The following BEND7 variants were observed in gnomAD, a reference collection of about 807,000 sequenced individuals.
BEND7 encodes the protein BEN domain containing 7, also known as BEN domain-containing protein 7.
In BEND7, 28 loss-of-function variants were observed where a neutral mutation model predicts 50.9. The ratio of observed to expected loss-of-function variants is 0.55; its 90% CI spans 0.41 to 0.75. BEND7 has a LOEUF of 0.75. Ranked by LOEUF, BEND7 falls within the 30% of genes least tolerant of loss-of-function variation. BEND7 has a pLI of 0.00. For synonymous variants in BEND7, 170 were observed against 183.9 expected (o/e 0.92, Z 0.61); for missense variants, 477 against 491.3 (o/e 0.97, Z 0.28).
At chr10:13,495,147 A>T (rs2076939828) in intron 4 of BEND7, among the ~76,000 whole-genome samples, 1 of 152,230 alleles carries the variant, frequency 6.6e-6, no homozygotes. Flanking sequence ...AATCATTACA[A>T]TTTCATATGC....
chr10:13,505,133 T>A (rs1327542154), intron 2 of BEND7, among the ~76,000 whole-genome samples: 2 of 151,146 alleles, frequency 1.3e-5, no homozygotes, highest in Non-Finnish European at 2.9e-5. Context: ...TAAGTGGGAG[T>A]TTTTCATTCC....
intron 7 of BEND7, among the ~76,000 whole-genome samples, chr10:13,447,657 C>T (rs1327509840): frequency 2.0e-5 from 3 of 151,258 alleles, no homozygotes; most frequent in Non-Finnish European, 2.9e-5. Context: ...CATTCTCCTG[C>T]CTCAGCCTCC....
intron 2 of BEND7, among the ~76,000 whole-genome samples, chr10:13,525,407 G>C (rs2079386540): frequency 6.6e-6 from 1 of 152,190 alleles, no homozygotes; most frequent in Admixed American, 6.5e-5. Context: ...ACACTTGCTG[G>C]AAAGTCTCAG....
intron 2 of BEND7, among the ~76,000 whole-genome samples, chr10:13,507,138 T>C (rs181983175): frequency 3.9e-5 from 6 of 152,302 alleles, no homozygotes; most frequent in African/African-American, 1.2e-4. Flanking sequence ...AGAGAGATAT[T>C]AGATCTTCTA....
chr10:13,528,565 AGGCGGCGGCAGCGGC>A lies in BEND7; in HGVS notation c.-47_-33del. The A allele has an allele frequency of 1.1e-6, 1 of 943,446 alleles. No individual in the cohort carries two copies. Among genetic ancestry groups the A allele is most frequent in the Non-Finnish European group, 1.2e-6 (1 of 810,516 alleles). The allele number at this position is 943,446 out of a possible 1,614,324, so 58.4% of individuals were successfully genotyped here. On this transcript the variant is annotated 5_prime_UTR_variant, in exon 1 of 9. Transcript: ENST00000466271. ...GGGAAGGCGGCGGCGGGGGCTGAGG[AGGCGGCGGCAGCGGC>A]GGCAGCGGCAGCGGCGGCAGCGGCA... is the stretch of plus-strand genomic sequence containing the variant.
intron 2 of BEND7, among the ~76,000 whole-genome samples, chr10:13,511,911 G>C (rs1487654997): frequency 6.6e-6 from 1 of 152,198 alleles, no homozygotes; most frequent in Non-Finnish European, 1.5e-5. Flanking sequence ...CAAGGAACTA[G>C]CTGAATGGCA....
chr10:13,505,492 G>A (rs2077809749), intron 2 of BEND7, among the ~76,000 whole-genome samples: 1 of 152,242 alleles, frequency 6.6e-6, no homozygotes, highest in Admixed American at 6.5e-5. Context: ...ACATGGGGCA[G>A]ACACCCGCTC....
intron 5 of BEND7, among the ~76,000 whole-genome samples, chr10:13,490,867 A>C (rs2076606033): frequency 6.6e-6 from 1 of 151,912 alleles, no homozygotes; most frequent in Admixed American, 6.6e-5. Flanking sequence ...GCAGTGGTGT[A>C]ATCTCGGCTC....
intron 2 of BEND7, among the ~76,000 whole-genome samples, chr10:13,502,685 G>C (rs980572284): frequency 1.3e-5 from 2 of 152,104 alleles, no homozygotes; most frequent in African/African-American, 4.8e-5. Context: ...CAAGCAAGAG[G>C]AGGCATCTTT....
intron 2 of BEND7, among the ~76,000 whole-genome samples, chr10:13,525,894 C>A (rs947528175): frequency 6.6e-6 from 1 of 152,200 alleles, no homozygotes; most frequent in African/African-American, 2.4e-5. Context: ...CAGCATCTGG[C>A]TCTGTGAGTG....
downstream of BEND7, among the ~76,000 whole-genome samples, chr10:13,440,287 A>T (rs1406052259): frequency 2.0e-5 from 3 of 152,220 alleles, no homozygotes; most frequent in African/African-American, 7.2e-5. Context: ...GGTCCCTGAC[A>T]CAAGGGACCC....
At chr10:13,494,214 C>T (rs530397134) in intron 4 of BEND7, among the ~76,000 whole-genome samples, 107 of 152,140 alleles carry the variant, frequency 7.0e-4, no homozygotes, top group African/African-American at 2.4e-3. Flanking sequence ...GTCAAGAGAT[C>T]GAGACCATCC....
intron 5 of BEND7, among the ~76,000 whole-genome samples, chr10:13,483,534 A>G (rs1371924583): frequency 1.3e-5 from 2 of 152,240 alleles, no homozygotes; most frequent in Non-Finnish European, 2.9e-5. Context: ...CAGATCTTTT[A>G]TCCCTGTATA....
chr10:13,451,464 C>T lies in BEND7; in HGVS notation c.1183+1075G>A, dbSNP rs889856931. Among the ~76,000 whole-genome samples, 6 of 151,848 alleles carry T rather than the reference C, an allele frequency of 4.0e-5. No individual in the cohort carries two copies. The South Asian group carries it at 1.3e-3, about 32-fold the overall frequency. On this transcript the variant is annotated intron_variant, in intron 7 of 8. Coordinates refer to ENST00000466271, the MANE Select transcript of BEND7 (RefSeq NM_001369863.1). ...ATGTTGCCCAGGCTGGTCTCGATCT[C>T]CTGGGCTCAAGAAATCCTCCTGCCT...
chr10:13,491,913 C>T (rs185010487), intron 5 of BEND7, among the ~76,000 whole-genome samples: 1 of 152,198 alleles, frequency 6.6e-6, no homozygotes, highest in African/African-American at 2.4e-5. Flanking sequence ...AGGTTCACAA[C>T]ACAAACATAC....
At chr10:13,488,706 C>T (rs2131915842) in intron 5 of BEND7, among the ~76,000 whole-genome samples, 1 of 152,274 alleles carries the variant, frequency 6.6e-6, no homozygotes, top group Non-Finnish European at 1.5e-5. Context: ...CCAGGACTGT[C>T]TCAATCTCCT....
intron 6 of BEND7, among the ~76,000 whole-genome samples, chr10:13,458,660 TC>T (rs1312643257): frequency 3.3e-5 from 5 of 152,156 alleles, no homozygotes; most frequent in Non-Finnish European, 7.4e-5. Flanking sequence ...GAAAACTGGG[TC>T]CTCATTAGAT....
chr10:13,439,258 G>A, downstream of BEND7: 1 of 1,614,220 alleles, frequency 6.2e-7, no homozygotes, highest in African/African-American at 1.3e-5. Flanking sequence ...TGATGATGAA[G>A]TGTAGCTGAG....
chr10:13,466,917 T>C (rs1212290389), intron 6 of BEND7, among the ~76,000 whole-genome samples: 1 of 152,014 alleles, frequency 6.6e-6, no homozygotes, highest in African/African-American at 2.4e-5. Flanking sequence ...CCAGGGTAAA[T>C]TATAACATAG....
Sources: gnomAD v4.1 joint callset for allele counts (sites outside exome capture counted in the v4.1 genomes callset) on GRCh38, gnomAD v4.1.1 for gene constraint, MANE v1.5 for transcripts, NCBI Gene and HGNC (gene_info 2026-07-23, HGNC 2026-07-21) for gene names.